Variants in C1orf87 observed in about 807,000 individuals in gnomAD.
The protein encoded by C1orf87 is uncharacterized protein C1orf87.
In C1orf87, 58 loss-of-function variants were observed where a neutral mutation model predicts 60.5. That is an observed-to-expected ratio of 0.96 (90% CI 0.78 to 1.19). The LOEUF (loss-of-function observed/expected upper bound fraction) is 1.19. C1orf87 is among the 50% of genes most tolerant of loss of function. C1orf87 has a pLI of 0.00. For missense variants in C1orf87, 673 were observed against 638.6 expected, an observed-to-expected ratio of 1.05 and a Z score of -0.58; for synonymous variants, 236 against 227.4, an observed-to-expected ratio of 1.04 and a Z score of -0.34.
intron 2 of C1orf87, among the ~76,000 whole-genome samples, chr1:60,068,516 G>T (rs533209185): frequency 1.3e-5 from 2 of 152,208 alleles, no homozygotes; most frequent in South Asian, 4.2e-4. Flanking sequence ...TCACCACTTT[G>T]TTGGTGTATC....
chr1:59,995,435 C>T (rs1418335711), intron 11 of C1orf87, among the ~76,000 whole-genome samples: 2 of 152,186 alleles, frequency 1.3e-5, no homozygotes, highest in Non-Finnish European at 2.9e-5. Context: ...AATGAAGCCT[C>T]ATCCTATCCC....
intron 9 of C1orf87, among the ~76,000 whole-genome samples, 169 bp downstream of exon 9, chr1:60,010,222 GC>G (rs1645073494): frequency 6.6e-6 from 1 of 151,994 alleles, no homozygotes; most frequent in African/African-American, 2.4e-5. Context: ...TAAAAGAATA[GC>G]CATTAAGGTG....
At chr1:60,054,458 T>C (rs1645438213) in intron 3 of C1orf87, among the ~76,000 whole-genome samples, 1 of 152,210 alleles carries the variant, frequency 6.6e-6, no homozygotes, top group South Asian at 2.1e-4. Flanking sequence ...CTAAAAATAG[T>C]TATGTTAGAG....
intron 2 of C1orf87, among the ~76,000 whole-genome samples, chr1:60,071,263 A>C (rs1645582579): frequency 6.6e-6 from 1 of 152,226 alleles, no homozygotes; most frequent in African/African-American, 2.4e-5. Flanking sequence ...TATTTATAAT[A>C]GACACTGGAA....
chr1:60,049,862 ATC>A (rs954193306), intron 3 of C1orf87, among the ~76,000 whole-genome samples: 25 of 152,096 alleles, frequency 1.6e-4, no homozygotes, highest in Non-Finnish European at 3.4e-4. Flanking sequence ...TAAAATGTCC[ATC>A]TGTTTCTTAT....
chr1:60,055,263 A>G lies in C1orf87; in HGVS notation c.283T>C (p.Ser95Pro), dbSNP rs1017546186. The change falls in exon 3 of 12, where the codon TCA (serine) becomes CCA (proline). Residue 95 changes from serine (S) to proline (P), a missense_variant. Transcript: ENST00000371201. ...GTTAGTAGTTTCTGGTTGTTTTCTG[A>G]TTTCTGGTTGTTCTCTGGGTGCTTT... ...EKKHPENNQKSENNQKLLTGA... is the reference protein window; with the variant it reads ...EKKHPENNQKPENNQKLLTGA... The G allele has an allele frequency of 4.6e-5, 74 of 1,613,724 alleles. No individual in the cohort carries two copies. The highest frequency in any genetic ancestry group is 5.6e-5 in the Non-Finnish European group (66 of 1,179,928).
intron 11 of C1orf87, among the ~76,000 whole-genome samples, chr1:59,995,577 G>A (rs1233426837): frequency 2.0e-5 from 3 of 152,108 alleles, no homozygotes; most frequent in Admixed American, 1.3e-4. Flanking sequence ...CTTCAAACTC[G>A]GGATGACCTG....
Position 60,025,432 on chromosome 1 carries a change from G to A in C1orf87, c.1096C>T (p.His366Tyr), listed in dbSNP as rs767442091. The A allele has an allele frequency of 1.2e-5, 20 of 1,613,072 alleles. No individual in the cohort carries two copies. The Admixed American group carries it at 2.5e-4, about 20-fold the overall frequency. ...TLSLLETLLN[H>Y]QDLGYQNEIK... The stretch of plus-strand genomic sequence containing the variant: ...TCATTTTGGTAACCCAAATCTTGAT[G>A]GTTAAGCAATGTTTCCAGCAGGCTC... The change falls in exon 8 of 12, where the codon CAT (histidine) becomes TAT (tyrosine). Residue 366 changes from histidine (H) to tyrosine (Y), a missense_variant. His to Tyr is a moderately conservative substitution (Grantham distance 83). Coordinates refer to ENST00000371201, the MANE Select transcript of C1orf87 (RefSeq NM_152377.3).
intron 10 of C1orf87, among the ~76,000 whole-genome samples, chr1:60,000,182 A>C (rs896582214): frequency 1.3e-5 from 2 of 152,186 alleles, no homozygotes; most frequent in Admixed American, 1.3e-4. Context: ...GGACAATAGG[A>C]AACTTGCTTT....
At chr1:60,063,326 G>A (rs189322411) in intron 2 of C1orf87, among the ~76,000 whole-genome samples, 40 of 152,170 alleles carry the variant, frequency 2.6e-4, no homozygotes, top group African/African-American at 8.7e-4. Context: ...GACTATAATT[G>A]TTCAGTGCTT....
intron 3 of C1orf87, among the ~76,000 whole-genome samples, chr1:60,047,556 T>C (rs1228756120): frequency 6.6e-6 from 1 of 152,196 alleles, no homozygotes; most frequent in Non-Finnish European, 1.5e-5. Flanking sequence ...AGGCTACTCA[T>C]TGCTTCGGGC....
intron 8 of C1orf87, among the ~76,000 whole-genome samples, chr1:60,022,109 ATTTTT>A (rs60437294): frequency 1.4e-5 from 2 of 138,170 alleles, no homozygotes; most frequent in Admixed American, 7.2e-5. Context: ...GAGGACTTTG[ATTTTT>A]TTTTTTTTTT....
chr1:60,040,017 G>A lies in C1orf87; in HGVS notation c.647C>T (p.Ser216Phe). The change falls in exon 5 of 12, where the codon TCT becomes TTT. Residue 216 changes from serine to phenylalanine, a missense_variant. Coordinates refer to ENST00000371201, the MANE Select transcript of C1orf87 (RefSeq NM_152377.3). ...DPISSGFLLQ[S>F]QLSRLFLKHE... Reference sequence around the variant, plus strand: ...CTTCAAAAAGAGGCGGCTCAGCTGAGATTGGAGAAGAAATCCTGAAGAGAT... The same window carrying A: ...CTTCAAAAAGAGGCGGCTCAGCTGAAATTGGAGAAGAAATCCTGAAGAGAT... 6.2e-7 allele frequency: 1 copy of A among 1,614,206 alleles called. No individual in the cohort carries two copies. The highest frequency in any genetic ancestry group is 1.1e-5 in the South Asian group (1 of 91,084).
chr1:60,056,176 G>A (rs1389356201), intron 2 of C1orf87, among the ~76,000 whole-genome samples: 1 of 151,994 alleles, frequency 6.6e-6, no homozygotes, highest in Non-Finnish European at 1.5e-5. Flanking sequence ...CCCAGGAGGT[G>A]GAGGTTGCAG....
Position 60,046,436 on chromosome 1 carries a change from T to TC in C1orf87, c.343-5306dup, listed in dbSNP as rs572771597. Among the ~76,000 whole-genome samples, 218 of 117,008 alleles carry TC rather than the reference T, an allele frequency of 1.9e-3. 1 individual carries two copies. The highest frequency in any genetic ancestry group is 7.0e-3 in the African/African-American group (212 of 30,492). The allele number at this position is 117,008 out of a possible 152,430, so 76.8% of individuals were successfully genotyped here. ...CTCCCTCCCTTCCTCCTTCCTTCCT[T>TC]CTTCTTCTTTTTTTTTTTTTTTTAA... is the stretch of plus-strand genomic sequence containing the variant. On this transcript the variant is annotated intron_variant, in intron 3 of 11. Transcript: ENST00000371201.
chr1:60,050,227 G>C (rs1645404381), intron 3 of C1orf87, among the ~76,000 whole-genome samples: 1 of 151,924 alleles, frequency 6.6e-6, no homozygotes, highest in Admixed American at 6.6e-5. Context: ...TTGACGTTTT[G>C]ATGATGTTAA....
Position 60,012,875 on chromosome 1 carries a change from G to T in C1orf87, c.1128-2419C>A, listed in dbSNP as rs12021940. Among the ~76,000 whole-genome samples, 810 of 152,184 alleles carry T rather than the reference G, an allele frequency of 5.3e-3. 5 individuals are homozygous for T. The highest frequency in any genetic ancestry group is 6.2e-3 in the Non-Finnish European group (421 of 67,992). ...TTATGCCCTGACTCCAAATCTATTC[G>T]AACGTAATGTAACTTGACTTCATTT... On this transcript the variant is annotated intron_variant, in intron 8 of 11. Coordinates refer to ENST00000371201, the MANE Select transcript of C1orf87 (RefSeq NM_152377.3).
intron 2 of C1orf87, among the ~76,000 whole-genome samples, chr1:60,067,494 G>C (rs764794850): frequency 1.4e-5 from 2 of 140,836 alleles, no homozygotes; most frequent in African/African-American, 2.6e-5. Context: ...TCATATGTTT[G>C]TTGGCCACAT....
intron 3 of C1orf87, among the ~76,000 whole-genome samples, chr1:60,047,951 A>G (rs546470788): frequency 2.1e-4 from 32 of 152,154 alleles, no homozygotes; most frequent in Non-Finnish European, 3.7e-4. Flanking sequence ...GTTTAATTTT[A>G]CTGCCAATTA....
Sources: allele counts gnomAD v4.1 joint callset (sites outside exome capture counted in the v4.1 genomes callset), GRCh38; gene constraint gnomAD v4.1.1; transcripts MANE v1.5; gene names NCBI Gene and HGNC (gene_info 2026-07-23, HGNC 2026-07-21).